Variants in DCLK1 observed in about 807,000 individuals in gnomAD.
The protein encoded by DCLK1 is doublecortin like kinase 1.
In DCLK1, 16 loss-of-function variants were observed where a neutral mutation model predicts 86.2. That is an observed-to-expected ratio of 0.19 (90% CI 0.13 to 0.28). The LOEUF (loss-of-function observed/expected upper bound fraction) is 0.28. Ranked by LOEUF, DCLK1 falls within the 10% of genes least tolerant of loss-of-function variation. DCLK1 has a pLI of 1.00. For missense variants in DCLK1, 590 were observed against 940.2 expected, an observed-to-expected ratio of 0.63 and a Z score of 4.87; for synonymous variants, 369 against 370.5, an observed-to-expected ratio of 1.00 and a Z score of 0.05.
intron 3 of DCLK1, among the ~76,000 whole-genome samples, chr13:36,060,531 T>A (rs1021296136): frequency 4.6e-5 from 7 of 152,216 alleles, no homozygotes; most frequent in African/African-American, 1.7e-4. Flanking sequence ...AAATACATAA[T>A]CATTAATTTT....
At chr13:35,867,568 C>T (rs1871883464) in intron 5 of DCLK1, among the ~76,000 whole-genome samples, 1 of 152,096 alleles carries the variant, frequency 6.6e-6, no homozygotes, top group African/African-American at 2.4e-5. Flanking sequence ...GCAATGTGTC[C>T]TACCCATTTT....
In DCLK1 at chr13:35,839,172, G is replaced by A; in HGVS notation, c.1040C>T (p.Ser347Phe). ...SPGSLRKQRS[S>F]QHGGSSTSLA... ...TGACGTAGAGGAGCCGCCATGCTGA[G>A]AGCTCTGTAGGGGAACAGAAACCGG... is the stretch of plus-strand genomic sequence containing the variant. Residue 347 changes from serine (S) to phenylalanine (F), a missense_variant, in exon 7 of 17, where the codon TCT becomes TTT. Ser to Phe is a radical substitution (Grantham distance 155, BLOSUM62 -2). Transcript: ENST00000360631. 1.3e-6 allele frequency: 2 copies of A among 1,578,000 alleles called. No homozygotes were observed. The highest frequency in any genetic ancestry group is 1.2e-5 in the South Asian group (1 of 85,854).
At chr13:35,943,831 G>A (rs1201083566) in intron 4 of DCLK1, among the ~76,000 whole-genome samples, 2 of 152,096 alleles carry the variant, frequency 1.3e-5, no homozygotes, top group African/African-American at 2.4e-5. Flanking sequence ...CAACATAGAA[G>A]CAAAACCATG....
chr13:35,900,593 T>C (rs530620543), intron 4 of DCLK1, among the ~76,000 whole-genome samples: 10 of 152,326 alleles, frequency 6.6e-5, no homozygotes, highest in Middle Eastern at 3.4e-3. Context: ...TGTCTGAGCA[T>C]TGCGCAAGCT....
chr13:35,895,744 CA>C, intron 4 of DCLK1, among the ~76,000 whole-genome samples: 1 of 149,774 alleles, frequency 6.7e-6, no homozygotes, highest in South Asian at 2.1e-4. Flanking sequence ...TATACTATAG[CA>C]AAAAAAAACA....
intron 3 of DCLK1, among the ~76,000 whole-genome samples, chr13:36,039,185 G>C (rs181369382): frequency 6.6e-6 from 1 of 152,244 alleles, no homozygotes; most frequent in East Asian, 1.9e-4. Flanking sequence ...ATGGATTCAG[G>C]AGCACAGAGA....
intron 3 of DCLK1, among the ~76,000 whole-genome samples, chr13:35,950,879 T>C (rs988419489): frequency 1.3e-5 from 2 of 151,988 alleles, no homozygotes; most frequent in East Asian, 3.9e-4. Context: ...GCAATAACTT[T>C]CAAACCCAGG....
At chr13:35,822,470 A>G (rs1023953312) in intron 11 of DCLK1, among the ~76,000 whole-genome samples, 3 of 152,112 alleles carry the variant, frequency 2.0e-5, no homozygotes, top group South Asian at 2.1e-4. Flanking sequence ...AAGGTGTTCA[A>G]TACAGCCCTA....
intron 6 of DCLK1, chr13:35,850,578 C>T (rs1593659972): frequency 7.9e-7 from 1 of 1,268,396 alleles, no homozygotes. Flanking sequence ...AAAATGCATA[C>T]ATATTTACTT....
intron 4 of DCLK1, among the ~76,000 whole-genome samples, chr13:35,945,956 T>C (rs2153132955): frequency 6.6e-6 from 1 of 152,328 alleles, no homozygotes. Context: ...TTATTGGGCA[T>C]CTGAAGTTTT....
intron 3 of DCLK1, among the ~76,000 whole-genome samples, chr13:36,038,397 CAGT>C: frequency 6.6e-6 from 1 of 152,294 alleles, no homozygotes; most frequent in East Asian, 1.9e-4. Context: ...GAACCAAATA[CAGT>C]AACAAGAGCC....
chr13:35,935,641 T>A (rs959123749), intron 4 of DCLK1, among the ~76,000 whole-genome samples: 2 of 152,130 alleles, frequency 1.3e-5, no homozygotes, highest in Non-Finnish European at 2.9e-5. Context: ...TGTGGAATAG[T>A]CATAGGGAAG....
At chr13:36,079,217 A>T (rs1190068570) in intron 3 of DCLK1, among the ~76,000 whole-genome samples, 1 of 152,238 alleles carries the variant, frequency 6.6e-6, no homozygotes, top group Non-Finnish European at 1.5e-5. Context: ...ATGGAGGCTG[A>T]TCCAGCAGCT....
chr13:35,820,853 C>T (rs1292777375), intron 11 of DCLK1, among the ~76,000 whole-genome samples: 1 of 152,162 alleles, frequency 6.6e-6, no homozygotes, highest in African/African-American at 2.4e-5. Context: ...ACCTCAGCTG[C>T]CTTTTATTAG....
At chr13:35,804,281 C>A (rs191914544) in intron 15 of DCLK1, among the ~76,000 whole-genome samples, 5 of 145,098 alleles carry the variant, frequency 3.4e-5, no homozygotes, top group African/African-American at 1.3e-4. Context: ...CAGGCGCATA[C>A]CACCATGCCT....
intron 3 of DCLK1, among the ~76,000 whole-genome samples, chr13:35,997,118 ACAC>A (rs1880511081): frequency 6.6e-6 from 1 of 152,320 alleles, no homozygotes; most frequent in East Asian, 1.9e-4. Flanking sequence ...TCTTGGGGCT[ACAC>A]CTTGTGGTTT....
intron 5 of DCLK1, among the ~76,000 whole-genome samples, chr13:35,857,211 A>G (rs548094363): frequency 6.6e-6 from 1 of 152,228 alleles, no homozygotes; most frequent in Non-Finnish European, 1.5e-5. Flanking sequence ...TTCAGGAGGG[A>G]CTGTCCCTTC....
chr13:36,118,100 T>C (rs1355630640), intron 2 of DCLK1, among the ~76,000 whole-genome samples: 4 of 151,052 alleles, frequency 2.6e-5, no homozygotes, highest in African/African-American at 9.7e-5. Context: ...AAAAATGAAA[T>C]AAAAATGATT....
chr13:36,023,288 G>T (rs1320297268), intron 3 of DCLK1, among the ~76,000 whole-genome samples: 4 of 152,192 alleles, frequency 2.6e-5, no homozygotes, highest in African/African-American at 9.7e-5. Context: ...GTATGGGCTG[G>T]CAGGCAGAGA....
Sources: allele counts gnomAD v4.1 joint callset (sites outside exome capture counted in the v4.1 genomes callset), GRCh38; gene constraint gnomAD v4.1.1; transcripts MANE v1.5; gene names NCBI Gene and HGNC (gene_info 2026-07-23, HGNC 2026-07-21).